Variants in GABRG3 observed in about 807,000 individuals in gnomAD.
GABRG3 encodes the protein gamma-aminobutyric acid type A receptor subunit gamma3.
GABRG3 carries 25 observed loss-of-function variants against 48.8 expected under a neutral mutation model. The observed-to-expected ratio is 0.51, with a 90% CI of 0.37 to 0.72. The LOEUF (loss-of-function observed/expected upper bound fraction) is 0.72. Among genes scored for constraint, GABRG3 ranks in the 30% least tolerant of loss-of-function variants. The pLI is 0.00. For synonymous variants in GABRG3, 227 were observed against 217.6 expected (o/e 1.04, Z -0.38); for missense variants, 394 against 577.9 (o/e 0.68, Z 3.26).
intron 2 of GABRG3, among the ~76,000 whole-genome samples, chr15:27,015,382 G>GT (rs1895759435): frequency 7.8e-6 from 1 of 127,538 alleles, no homozygotes; most frequent in African/African-American, 3.1e-5. Flanking sequence ...TTTTGTGTTT[G>GT]ATTTTTTTTT....
chr15:27,138,444 C>T (rs994097427), intron 3 of GABRG3, among the ~76,000 whole-genome samples: 1 of 152,196 alleles, frequency 6.6e-6, no homozygotes, highest in Non-Finnish European at 1.5e-5. Flanking sequence ...AAAAAATGGG[C>T]ACTTTTTTCC....
At chr15:27,145,593 A>C (rs1290104858) in intron 3 of GABRG3, among the ~76,000 whole-genome samples, 1 of 82,106 alleles carries the variant, frequency 1.2e-5, no homozygotes, top group Non-Finnish European at 3.1e-5. Flanking sequence ...GCATATATAC[A>C]TATATCTATC....
chr15:27,351,910 A>AGT (rs779452424), intron 5 of GABRG3, among the ~76,000 whole-genome samples: 3 of 124,914 alleles, frequency 2.4e-5, no homozygotes, highest in African/African-American at 9.3e-5. Context: ...ATGTATGTAT[A>AGT]GTGTGTGTGT....
chr15:27,431,820 T>A lies in GABRG3; in HGVS notation c.575-48830T>A, dbSNP rs148325933. 4.6e-5 allele frequency among the ~76,000 whole-genome samples: 7 copies of A among 152,352 alleles called. No individual in the cohort carries two copies. The East Asian group carries it at 1.3e-3, about 29-fold the overall frequency. On this transcript the variant is annotated intron_variant, in intron 5 of 9. Transcript: ENST00000615808. ...TAAGAGTGTATTATAGCAGCTGATT[T>A]TCATATATTAAACCAACCTTGCATT...
At chr15:27,402,214 A>G (rs1029408243) in intron 5 of GABRG3, among the ~76,000 whole-genome samples, 6 of 152,218 alleles carry the variant, frequency 3.9e-5, no homozygotes, top group African/African-American at 1.4e-4. Context: ...TGTAGATGTG[A>G]TGGGTATTTC....
intron 3 of GABRG3, among the ~76,000 whole-genome samples, chr15:27,031,280 G>C (rs544823130): frequency 1.8e-4 from 28 of 152,226 alleles, no homozygotes; most frequent in Admixed American, 1.6e-3. Context: ...AGTATCTTAA[G>C]AACAGTGGCA....
intron 5 of GABRG3, among the ~76,000 whole-genome samples, chr15:27,357,590 AAG>A (rs1344538868): frequency 1.3e-5 from 2 of 152,232 alleles, no homozygotes; most frequent in Non-Finnish European, 2.9e-5. Flanking sequence ...ACCACCCAAA[AAG>A]AAAATTTAGT....
intron 7 of GABRG3, among the ~76,000 whole-genome samples, chr15:27,525,265 A>G (rs543911284): frequency 8.3e-4 from 127 of 152,278 alleles, no homozygotes; most frequent in African/African-American, 3.1e-3. Context: ...GTAAGATGCC[A>G]GGATTTATAT....
At chr15:27,086,612 C>A (rs58205571) in intron 3 of GABRG3, among the ~76,000 whole-genome samples, 33,055 of 152,158 alleles carry the variant, frequency 0.22, 3,735 homozygotes, top group Middle Eastern at 0.29. Context: ...TTATTGTATT[C>A]AAAGCTTTAT....
In GABRG3 at chr15:27,535,928, T is replaced by C. The variant is rs1891537173; in HGVS notation, c.*3047T>C. 1.3e-5 allele frequency: 2 copies of C among 152,280 alleles called. No homozygotes were observed. Among genetic ancestry groups the C allele is most frequent in the East Asian group, 1.9e-4 (1 of 5,194 alleles). The allele number at this position is 152,280 out of a possible 1,614,324, so 9.4% of individuals were successfully genotyped here. A position where few individuals can be genotyped will look rare whatever the true frequency, so the allele number is the denominator to read the frequency against. ...AGGAGGGACGTGTGTGGGCACGAGGTGCAAGGCTGTTCCACACAGCTAAGC... is the reference window on the plus strand; with the variant it reads ...AGGAGGGACGTGTGTGGGCACGAGGCGCAAGGCTGTTCCACACAGCTAAGC... On this transcript the variant is annotated 3_prime_UTR_variant, in exon 10 of 10. Coordinates refer to ENST00000615808, the MANE Select transcript of GABRG3 (RefSeq NM_033223.5).
intron 3 of GABRG3, among the ~76,000 whole-genome samples, chr15:27,238,974 C>G (rs987926973): frequency 6.6e-5 from 10 of 152,114 alleles, no homozygotes; most frequent in African/African-American, 2.4e-4. Flanking sequence ...AAGTGTCAAC[C>G]TAAATAACAG....
chr15:27,054,482 G>T (rs963369716), intron 3 of GABRG3, among the ~76,000 whole-genome samples: 1 of 152,142 alleles, frequency 6.6e-6, no homozygotes, highest in East Asian at 1.9e-4. Flanking sequence ...AGTTATCAAA[G>T]AATTTCCTCC....
intron 3 of GABRG3, among the ~76,000 whole-genome samples, chr15:27,171,279 A>G (rs1887558472): frequency 6.6e-6 from 1 of 152,170 alleles, no homozygotes; most frequent in Admixed American, 6.5e-5. Context: ...ATCTGCATCA[A>G]ATTTTTAATC....
chr15:27,368,020 C>T (rs1439753002), intron 5 of GABRG3, among the ~76,000 whole-genome samples: 1 of 152,172 alleles, frequency 6.6e-6, no homozygotes, highest in African/African-American at 2.4e-5. Flanking sequence ...GGGGTACTTT[C>T]AGGTTTGGGC....
chr15:27,467,136 C>T lies in GABRG3; in HGVS notation c.575-13514C>T, dbSNP rs536373644. ...ACCATGATCTGAGTGTCAGCAGACC[C>T]GGTGTCTGGTGAGGGCCCTCTTCCT... is the stretch of plus-strand genomic sequence containing the variant. On this transcript the variant is annotated intron_variant, in intron 5 of 9. Transcript: ENST00000615808. Among the ~76,000 whole-genome samples, 38 of 152,240 alleles carry T rather than the reference C, an allele frequency of 2.5e-4. No homozygotes were observed. The East Asian group carries it at 3.1e-3, about 12-fold the overall frequency.
chr15:27,262,543 A>G lies in GABRG3; in HGVS notation c.271-64266A>G, dbSNP rs542745032. On this transcript the variant is annotated intron_variant, in intron 3 of 9. Transcript: ENST00000615808. ...CCCTACCCCATCTGAGTATTGAGGA[A>G]GCTCACACATTTCCGTCACATGTTT... Among the ~76,000 whole-genome samples the G allele has an allele frequency of 1.3e-3, 204 of 152,294 alleles. No individual in the cohort carries two copies. The Middle Eastern group carries it at 0.017, about 13-fold the overall frequency.
At chr15:27,376,155 A>G (rs1308747542) in intron 5 of GABRG3, among the ~76,000 whole-genome samples, 2 of 152,228 alleles carry the variant, frequency 1.3e-5, no homozygotes, top group Non-Finnish European at 2.9e-5. Flanking sequence ...AAGCTCCAAA[A>G]TAATCTCCTT....
chr15:27,120,986 T>C (rs1263171671), intron 3 of GABRG3, among the ~76,000 whole-genome samples: 2 of 152,202 alleles, frequency 1.3e-5, no homozygotes, highest in Non-Finnish European at 2.9e-5. Flanking sequence ...GTAAGTAATC[T>C]GAGGTCATCC....
rs1176654040 is a variant in GABRG3 at position 27,417,339 on chromosome 15, CTTAA to C, written c.575-63310_575-63307del. ...CTTAATGTGGGTGACACTCATCCCT[CTTAA>C]AATAGACAGTATCTGGCCTATGTAT... is the stretch of plus-strand genomic sequence containing the variant. On this transcript the variant is annotated intron_variant, in intron 5 of 9. Coordinates refer to ENST00000615808, the MANE Select transcript of GABRG3 (RefSeq NM_033223.5). 3.9e-5 allele frequency among the ~76,000 whole-genome samples: 6 copies of C among 152,296 alleles called. No homozygotes were observed. In the South Asian group the frequency reaches 1.2e-3, roughly 32 times the overall value.
Sources: gnomAD v4.1 joint callset for allele counts (sites outside exome capture counted in the v4.1 genomes callset) on GRCh38, gnomAD v4.1.1 for gene constraint, MANE v1.5 for transcripts, NCBI Gene and HGNC (gene_info 2026-07-23, HGNC 2026-07-21) for gene names.